The following HMGXB4 variants were observed in gnomAD, a reference collection of about 807,000 sequenced individuals.
HMGXB4 encodes HMG domain-containing protein 4.
HMGXB4 carries 27 observed loss-of-function variants against 63.9 expected under a neutral mutation model. The observed-to-expected ratio is 0.42, with a 90% confidence interval of 0.31 to 0.58. The LOEUF is 0.58. HMGXB4 is among the 20% of genes least tolerant of loss of function. HMGXB4 has a pLI of 0.13. For missense variants in HMGXB4, 624 were observed against 700.7 expected (o/e 0.89, Z 1.24); for synonymous variants, 264 against 265.3 (o/e 0.99, Z 0.05).
Position 35,263,776 on chromosome 22 carries a change from C to G in HMGXB4, c.181-20C>G, listed in dbSNP as rs190699662. The stretch of plus-strand genomic sequence containing the variant: ...TTTGCCTCATCATCTTATTATTGGT[C>G]AATTCTTCTTTAATTATAGGATAGT... On this transcript the variant is annotated intron_variant, in intron 3 of 10. Coordinates refer to ENST00000216106, the MANE Select transcript of HMGXB4 (RefSeq NM_001003681.3). The G allele has an allele frequency of 6.4e-6, 10 of 1,564,618 alleles. No homozygotes were observed. In the East Asian group the frequency reaches 2.0e-4, roughly 32 times the overall value.
chr22:35,292,097 C>CT (rs1437133033), intron 9 of HMGXB4, among the ~76,000 whole-genome samples: 8 of 152,100 alleles, frequency 5.3e-5, no homozygotes, highest in Non-Finnish European at 5.9e-5. Context: ...AGGAGAGACC[C>CT]AAAAGACAGC....
At chr22:35,270,355 C>G (rs1391343566) in intron 5 of HMGXB4, among the ~76,000 whole-genome samples, 2 of 152,190 alleles carry the variant, frequency 1.3e-5, no homozygotes, top group Admixed American at 1.3e-4. Context: ...ATGGGACCAT[C>G]TAGTTGGAAG....
chr22:35,265,861 A>G (rs958116231), intron 5 of HMGXB4, among the ~76,000 whole-genome samples: 26 of 149,174 alleles, frequency 1.7e-4, no homozygotes, highest in South Asian at 8.5e-4. Flanking sequence ...GTCTGGGCTC[A>G]CTGCAACCTC....
the HMGXB4 span, among the ~76,000 whole-genome samples, chr22:35,243,331 T>A: frequency 6.6e-6 from 1 of 151,410 alleles, no homozygotes; most frequent in Non-Finnish European, 1.5e-5. Flanking sequence ...GATCACGCCA[T>A]TGCACTCCAG....
At chr22:35,279,677 C>CTTTTTTTT (rs35564206) in intron 5 of HMGXB4, among the ~76,000 whole-genome samples, 2 of 55,166 alleles carry the variant, frequency 3.6e-5, no homozygotes, top group African/African-American at 1.1e-4. Flanking sequence ...GTCTAGATTC[C>CTTTTTTTT]TTTTTTTTTT....
chr22:35,255,444 G>A (rs1200865840), upstream of HMGXB4, among the ~76,000 whole-genome samples: 2 of 152,192 alleles, frequency 1.3e-5, no homozygotes, highest in Non-Finnish European at 2.9e-5. Context: ...GAACTCAGGG[G>A]GTCGAAGCTG....
rs57292972 is a variant in HMGXB4, at chr22:35,268,344, T to C, written c.1215+2741T>C. ...CCCTCCAACTATTTCTGCACAAATA[T>C]TAAGCTTGATAGTCTTCCTCCTTAA... On this transcript the variant is annotated intron_variant, in intron 5 of 10. Transcript: ENST00000216106. Among the ~76,000 whole-genome samples the C allele has an allele frequency of 4.3e-3, 654 of 152,338 alleles. 6 individuals are homozygous for C. The highest frequency in any genetic ancestry group is 0.014 in the African/African-American group (597 of 41,574).
upstream of HMGXB4, among the ~76,000 whole-genome samples, chr22:35,256,272 G>A (rs772241969): frequency 2.6e-5 from 4 of 152,176 alleles, no homozygotes; most frequent in Admixed American, 6.5e-5. Context: ...CTAGGACAGA[G>A]GTTCTTAATT....
chr22:35,279,018 G>A (rs931791598), intron 5 of HMGXB4, among the ~76,000 whole-genome samples: 1 of 151,580 alleles, frequency 6.6e-6, no homozygotes, highest in African/African-American at 2.4e-5. Flanking sequence ...CTGCACTCCA[G>A]CCTGCATGAC....
the HMGXB4 span, among the ~76,000 whole-genome samples, chr22:35,247,741 T>G: frequency 6.6e-6 from 1 of 150,514 alleles, no homozygotes; most frequent in Admixed American, 6.6e-5. Context: ...TTTGCTGGTT[T>G]GTTTGTTTGT....
At chr22:35,290,239 T>G (rs1162361069) in intron 9 of HMGXB4, among the ~76,000 whole-genome samples, 2 of 152,226 alleles carry the variant, frequency 1.3e-5, no homozygotes, top group Non-Finnish European at 2.9e-5. Context: ...CCATTTAGTT[T>G]AGTAAGTACA....
intron 1 of HMGXB4, among the ~76,000 whole-genome samples, chr22:35,259,708 A>G (rs1484571395): frequency 6.6e-6 from 1 of 152,230 alleles, no homozygotes; most frequent in Non-Finnish European, 1.5e-5. Context: ...TGTGGCTGAT[A>G]CAGTCCGTTG....
rs747274782 is a variant in HMGXB4 at position 35,281,227 on chromosome 22, G to GTATA, written c.1216-2733_1216-2730dup. Among the ~76,000 whole-genome samples the GTATA allele has an allele frequency of 2.6e-5, 4 of 152,278 alleles. No homozygotes were observed. The East Asian group carries it at 7.7e-4, about 29-fold the overall frequency. On this transcript the variant is annotated intron_variant, in intron 5 of 10. Transcript: ENST00000216106. The stretch of plus-strand genomic sequence containing the variant: ...TGTTTTATTCAGGATCCAATAATTA[G>GTATA]TATATGGTGAAGCTGAGACAAGATT...
In HMGXB4 at chr22:35,265,517, C is replaced by G. The variant is rs2146405396; in HGVS notation, c.1129C>G (p.Pro377Ala). 1 of 1,613,738 alleles carries G rather than the reference C, an allele frequency of 6.2e-7. No homozygotes were observed. The highest frequency in any genetic ancestry group is 2.2e-5 in the East Asian group (1 of 44,856). ...PYAGAAAPPL[P>A]LPGLHTDGHS... Reference sequence around the variant, plus strand: ...CGCTGGAGCAGCAGCACCTCCCCTGCCACTTCCTGGCCTCCACACAGATGG... The same window carrying G: ...CGCTGGAGCAGCAGCACCTCCCCTGGCACTTCCTGGCCTCCACACAGATGG... Residue 377 changes from proline to alanine, a missense_variant, in exon 5 of 11, where the codon CCA (proline) becomes GCA (alanine). Transcript: ENST00000216106.
At chr22:35,285,571 T>A (rs185354831) in intron 6 of HMGXB4, among the ~76,000 whole-genome samples, 71 of 152,040 alleles carry the variant, frequency 4.7e-4, no homozygotes, top group South Asian at 2.1e-3. Context: ...AAAAAAATTT[T>A]AAAAAATTAG....
At chr22:35,260,442 C>T (rs1448049144) in intron 1 of HMGXB4, among the ~76,000 whole-genome samples, 1 of 152,174 alleles carries the variant, frequency 6.6e-6, no homozygotes, top group African/African-American at 2.4e-5. Context: ...TTGGAGTCAG[C>T]ACCACTTGGG....
intron 7 of HMGXB4, 97 bp downstream of exon 7, chr22:35,286,158 T>C (rs1384951341): frequency 2.4e-6 from 2 of 827,692 alleles, no homozygotes; most frequent in Admixed American, 2.6e-5. Context: ...GCACTGAAAA[T>C]AGTGAAGAAA....
chr22:35,289,673 C>G (rs1924812846), intron 9 of HMGXB4, among the ~76,000 whole-genome samples: 1 of 152,206 alleles, frequency 6.6e-6, no homozygotes, highest in African/African-American at 2.4e-5. Flanking sequence ...CTCCATTACT[C>G]TGCACTTAAA....
chr22:35,253,144 A>AAAAAAAGAAAAAAG (rs1555886252), upstream of HMGXB4, among the ~76,000 whole-genome samples: 3 of 125,370 alleles, frequency 2.4e-5, no homozygotes, highest in African/African-American at 8.5e-5. Context: ...AAAAAAAAAA[A>AAAAAAAGAAAAAAG]AAAAAAGAAA....
Sources: allele counts gnomAD v4.1 joint callset (sites outside exome capture counted in the v4.1 genomes callset), GRCh38; gene constraint gnomAD v4.1.1; transcripts MANE v1.5; gene names NCBI Gene and HGNC (gene_info 2026-07-23, HGNC 2026-07-21).